SRFBP1: variants seen among roughly 807,000 people sequenced by gnomAD.
The protein encoded by SRFBP1 is serum response factor-binding protein 1.
SRFBP1 carries 47 observed loss-of-function variants against 45.5 expected under a neutral mutation model. The observed-to-expected ratio is 1.03, with a 90% CI of 0.82 to 1.32. SRFBP1 has a LOEUF of 1.32. Ranked by LOEUF, SRFBP1 falls within the 40% of genes most tolerant of loss-of-function variation. The probability of loss-of-function intolerance (pLI) is 0.00; values close to 1 mark genes in which losing one functional copy is unlikely to be tolerated. For synonymous variants in SRFBP1, 203 were observed against 166.3 expected (o/e 1.22, Z -1.70); for missense variants, 621 against 484.6 (o/e 1.28, Z -2.64).
rs192320869 is a variant in SRFBP1, at chr5:122,001,314, C to A, written c.270+6644C>A. 2.0e-5 allele frequency among the ~76,000 whole-genome samples: 3 copies of A among 150,766 alleles called. No homozygotes were observed. The East Asian group carries it at 5.8e-4, about 29-fold the overall frequency. On this transcript the variant is annotated intron_variant, in intron 4 of 7. Coordinates refer to ENST00000339397, the MANE Select transcript of SRFBP1 (RefSeq NM_152546.3). ...ATTGGTAGCTAAATACTCATTCAGTCGATGTTTATGTGCAAATCAGCATGC... is the reference window on the plus strand; with the variant it reads ...ATTGGTAGCTAAATACTCATTCAGTAGATGTTTATGTGCAAATCAGCATGC...
At chr5:121,974,099 AG>A in intron 1 of SRFBP1, 96 bp from the exon 2 acceptor site, 1 of 748,818 alleles carries the variant, frequency 1.3e-6, no homozygotes, top group South Asian at 1.7e-5. Flanking sequence ...AAGTAGTTAA[AG>A]TGGTAGACTA....
chr5:122,025,380 G>A (rs1040569300), intron 7 of SRFBP1, among the ~76,000 whole-genome samples: 1 of 152,078 alleles, frequency 6.6e-6, no homozygotes, highest in African/African-American at 2.4e-5. Flanking sequence ...ATTTGGGTTG[G>A]TTCCAAGTCT....
At chr5:122,026,793 C>T in intron 7 of SRFBP1, 149 bp from the exon 8 acceptor site, 1 of 519,476 alleles carries the variant, frequency 1.9e-6, no homozygotes, top group Non-Finnish European at 3.2e-6. Context: ...CAAACTATTC[C>T]CTGTTAGACT....
intron 3 of SRFBP1, among the ~76,000 whole-genome samples, chr5:121,994,234 G>A (rs1752673190): frequency 6.6e-6 from 1 of 151,724 alleles, no homozygotes; most frequent in South Asian, 2.1e-4. Context: ...TGTTTTCTTT[G>A]CCTCAGCTTT....
chr5:122,016,048 T>C (rs1165052283), intron 4 of SRFBP1, among the ~76,000 whole-genome samples: 2 of 152,234 alleles, frequency 1.3e-5, no homozygotes, highest in Non-Finnish European at 2.9e-5. Context: ...TTACTACTTT[T>C]CTGCATAATA....
chr5:121,980,093 G>C lies in SRFBP1; in HGVS notation c.198+4706G>C, dbSNP rs544498698. Among the ~76,000 whole-genome samples, 10 of 152,272 alleles carry C rather than the reference G, an allele frequency of 6.6e-5. No homozygotes were observed. The South Asian group carries it at 2.1e-3, about 32-fold the overall frequency. On this transcript the variant is annotated intron_variant, in intron 3 of 7. Transcript: ENST00000339397. ...CTAGAGTTTCCTCCTGGTAAAGGAA[G>C]TGAATAGATCCCAAGACAGCTACTT...
intron 7 of SRFBP1, among the ~76,000 whole-genome samples, chr5:122,026,275 G>T (rs577655012): frequency 6.6e-6 from 1 of 152,112 alleles, no homozygotes; most frequent in South Asian, 2.1e-4. Context: ...GTGTATCTTC[G>T]CCAAATAAGA....
chr5:121,985,069 G>T (rs888036587), intron 3 of SRFBP1, among the ~76,000 whole-genome samples: 5 of 151,756 alleles, frequency 3.3e-5, no homozygotes, highest in Non-Finnish European at 5.9e-5. Flanking sequence ...GCCATGTTTG[G>T]CTAGTTTATA....
chr5:122,019,799 T>C (rs967160815), intron 5 of SRFBP1, among the ~76,000 whole-genome samples: 1 of 152,018 alleles, frequency 6.6e-6, no homozygotes, highest in Non-Finnish European at 1.5e-5. Flanking sequence ...CCATTCCCTT[T>C]TATTTGTATT....
chr5:122,065,885 A>G (rs1754286649), intron 2 of SRFBP1: 1 of 152,066 alleles, frequency 6.6e-6, no homozygotes, highest in African/African-American at 2.4e-5. Context: ...CTCTGGATGT[A>G]TCACATCAGT....
At chr5:121,970,215 C>T (rs1580497379) in intron 1 of SRFBP1, among the ~76,000 whole-genome samples, 1 of 152,016 alleles carries the variant, frequency 6.6e-6, no homozygotes, top group Non-Finnish European at 1.5e-5. Flanking sequence ...ATGAGGTATT[C>T]CTTTTGCTTT....
At position 122,057,050 on chromosome 5, in the gene SRFBP1, A is replaced by T. The variant is rs568098751; in HGVS notation, n.312-18265A>T. Among the ~76,000 whole-genome samples the T allele has an allele frequency of 2.0e-5, 3 of 152,306 alleles. No individual in the cohort carries two copies. The South Asian group carries it at 6.2e-4, about 32-fold the overall frequency. On this transcript the variant is annotated intron_variant and non_coding_transcript_variant, in intron 2 of 2. Coordinates refer to the SRFBP1 transcript ENST00000504881. ...AAAATTGAAAAATCTGAGGAAGAAGAATGTTATGTAAAGCATGTAATATAA... is the reference window on the plus strand; with the variant it reads ...AAAATTGAAAAATCTGAGGAAGAAGTATGTTATGTAAAGCATGTAATATAA...
chr5:121,976,783 C>G (rs1417641250), intron 3 of SRFBP1, among the ~76,000 whole-genome samples: 1 of 150,302 alleles, frequency 6.7e-6, no homozygotes, highest in African/African-American at 2.4e-5. Flanking sequence ...CATACACATA[C>G]AATGTATAGT....
At chr5:121,983,284 C>T (rs1035486832) in intron 3 of SRFBP1, among the ~76,000 whole-genome samples, 15 of 151,406 alleles carry the variant, frequency 9.9e-5, no homozygotes, top group Admixed American at 6.6e-4. Context: ...GCTGTCTGTT[C>T]GATTTATTTC....
At chr5:121,983,959 G>T (rs1752468051) in intron 3 of SRFBP1, among the ~76,000 whole-genome samples, 1 of 151,652 alleles carries the variant, frequency 6.6e-6, no homozygotes, top group Non-Finnish European at 1.5e-5. Flanking sequence ...TTCATCAGTT[G>T]ACCCCTGTCA....
chr5:122,020,508 A>G lies in SRFBP1; in HGVS notation c.773A>G (p.Lys258Arg). Residue 258 changes from lysine to arginine, a missense_variant, in exon 6 of 8, where the codon AAG becomes AGG. Physicochemically the swap from Lys to Arg is conservative, Grantham distance 26 (BLOSUM62 2). Transcript: ENST00000339397. ...DGGEEFCEEE[K>R]EYFDDSTEER... ...GGAGAAGAATTTTGTGAAGAGGAGA[A>G]GGAATATTTTGATGATAGCACAGAA... 1 of 1,614,164 alleles carries G rather than the reference A, an allele frequency of 6.2e-7. No individual in the cohort carries two copies. The highest frequency in any genetic ancestry group is 8.5e-7 in the Non-Finnish European group (1 of 1,180,002).
intron 4 of SRFBP1, among the ~76,000 whole-genome samples, chr5:122,008,622 C>T (rs945710848): frequency 1.3e-5 from 2 of 151,932 alleles, no homozygotes; most frequent in African/African-American, 4.8e-5. Context: ...TACCTAGGTG[C>T]TGTAATCTCT....
chr5:122,010,331 T>C (rs1753065959), intron 4 of SRFBP1, among the ~76,000 whole-genome samples: 1 of 152,100 alleles, frequency 6.6e-6, no homozygotes, highest in Non-Finnish European at 1.5e-5. Context: ...TAGTTGACTA[T>C]AGGACATATA....
chr5:122,038,878 TC>T (rs1313978414), intron 2 of SRFBP1, among the ~76,000 whole-genome samples: 1 of 152,044 alleles, frequency 6.6e-6, no homozygotes, highest in East Asian at 1.9e-4. Context: ...TCCCAAACTT[TC>T]TCAGGGAAGA....
Sources: gnomAD v4.1 joint callset for allele counts (sites outside exome capture counted in the v4.1 genomes callset) on GRCh38, gnomAD v4.1.1 for gene constraint, MANE v1.5 for transcripts, NCBI Gene and HGNC (gene_info 2026-07-23, HGNC 2026-07-21) for gene names.